MCC: variants seen among roughly 807,000 people sequenced by gnomAD.
MCC encodes MCC regulator of Wnt signaling pathway.
MCC carries 90 observed loss-of-function variants against 116.2 expected under a neutral mutation model. The ratio of observed to expected loss-of-function variants is 0.77; its 90% confidence interval spans 0.65 to 0.92. MCC has a LOEUF of 0.92. MCC is among the 40% of genes least tolerant of loss of function. The pLI, the probability that MCC is intolerant of heterozygous loss-of-function variation, is 0.00. For synonymous variants in MCC, 578 were observed against 510.5 expected (o/e 1.13, Z -1.78); for missense variants, 1,516 against 1,312.2 (o/e 1.16, Z -2.40).
chr5:113,458,482 C>T (rs556045519), intron 1 of MCC, among the ~76,000 whole-genome samples: 1 of 152,314 alleles, frequency 6.6e-6, no homozygotes, highest in South Asian at 2.1e-4. Flanking sequence ...AGCTGTAACA[C>T]TCACCGCGAG....
chr5:113,160,434 C>A (rs1305785452), intron 3 of MCC, among the ~76,000 whole-genome samples: 1 of 152,186 alleles, frequency 6.6e-6, no homozygotes, highest in East Asian at 1.9e-4. Flanking sequence ...GCATTTTTCT[C>A]AACTATTCTT....
intron 1 of MCC, among the ~76,000 whole-genome samples, chr5:113,415,354 A>G (rs1369828071): frequency 2.0e-5 from 3 of 152,144 alleles, no homozygotes; most frequent in East Asian, 3.9e-4. Context: ...TAATATCCTG[A>G]AGAATGTTTT....
chr5:113,276,936 G>A (rs1382911578), intron 3 of MCC, among the ~76,000 whole-genome samples: 1 of 151,512 alleles, frequency 6.6e-6, no homozygotes, highest in Non-Finnish European at 1.5e-5. Flanking sequence ...ATTGCACCTG[G>A]CCAAAAGGAA....
At chr5:113,279,562 G>A (rs564763476) in intron 3 of MCC, among the ~76,000 whole-genome samples, 5 of 152,126 alleles carry the variant, frequency 3.3e-5, no homozygotes, top group East Asian at 1.9e-4. Context: ...CATGGACTTC[G>A]TATCTTTGTA....
chr5:113,191,081 C>A (rs1762129488), intron 3 of MCC, among the ~76,000 whole-genome samples: 1 of 152,160 alleles, frequency 6.6e-6, no homozygotes, highest in African/African-American at 2.4e-5. Context: ...ATCATCAAAT[C>A]CAAAAACGAT....
At chr5:113,432,544 C>T in intron 1 of MCC, 1 of 152,052 alleles carries the variant, frequency 6.6e-6, no homozygotes, top group East Asian at 1.9e-4. Context: ...TAATGAATAG[C>T]ATGCCTAATG....
At chr5:113,209,732 T>C (rs1348611221) in intron 3 of MCC, among the ~76,000 whole-genome samples, 2 of 152,208 alleles carry the variant, frequency 1.3e-5, no homozygotes, top group Non-Finnish European at 2.9e-5. Context: ...GTCAGGAGCC[T>C]TCCATGGCCA....
chr5:113,141,119 C>G (rs746837948), intron 5 of MCC, among the ~76,000 whole-genome samples: 4 of 152,186 alleles, frequency 2.6e-5, no homozygotes, highest in Non-Finnish European at 5.9e-5. Flanking sequence ...CAAATTCACT[C>G]TCCCTCTTCC....
At chr5:113,099,530 C>T (rs2150253367) in intron 8 of MCC, among the ~76,000 whole-genome samples, 1 of 152,350 alleles carries the variant, frequency 6.6e-6, no homozygotes, top group South Asian at 2.1e-4. Flanking sequence ...CATCGCCTAA[C>T]CACTTTACGA....
At chr5:113,277,762 G>A (rs1241939926) in intron 3 of MCC, among the ~76,000 whole-genome samples, 2 of 152,106 alleles carry the variant, frequency 1.3e-5, no homozygotes, top group African/African-American at 2.4e-5. Context: ...TGGTATATGC[G>A]ATATTGGCAT....
intron 3 of MCC, among the ~76,000 whole-genome samples, chr5:113,292,496 T>G (rs1171123748): frequency 6.6e-6 from 1 of 152,170 alleles, no homozygotes; most frequent in Non-Finnish European, 1.5e-5. Context: ...TTCCAGCCAA[T>G]GCAGGGACTA....
At position 113,130,228 on chromosome 5, in the gene MCC, A is replaced by G. The variant is rs376052151; in HGVS notation, c.885-7402T>C. ...GGAAACCATCATTCTCAGCAAACTA[A>G]TACAGGAACAGAAAACCAAGCACCA... On this transcript the variant is annotated intron_variant, in intron 5 of 18. Coordinates refer to ENST00000408903, the MANE Select transcript of MCC (RefSeq NM_001085377.2). Among the ~76,000 whole-genome samples the G allele has an allele frequency of 6.6e-5, 10 of 152,310 alleles. No homozygotes were observed. In the South Asian group the frequency reaches 2.1e-3, roughly 32 times the overall value.
intron 5 of MCC, among the ~76,000 whole-genome samples, chr5:113,131,739 C>T (rs1758439607): frequency 6.6e-6 from 1 of 152,248 alleles, no homozygotes; most frequent in African/African-American, 2.4e-5. Context: ...CCTCCCTCTG[C>T]CTTCCAAACC....
At chr5:113,328,118 C>G (rs1038227407) in intron 3 of MCC, among the ~76,000 whole-genome samples, 1 of 152,078 alleles carries the variant, frequency 6.6e-6, no homozygotes, top group Non-Finnish European at 1.5e-5. Context: ...TACGACTTAC[C>G]TCTCCCCTGA....
intron 3 of MCC, among the ~76,000 whole-genome samples, chr5:113,333,423 C>T (rs1371021401): frequency 6.6e-6 from 1 of 151,616 alleles, no homozygotes; most frequent in East Asian, 1.9e-4. Context: ...CTGTTGGATA[C>T]ACAGAGGAGC....
intron 2 of MCC, among the ~76,000 whole-genome samples, chr5:113,375,168 T>C (rs1768952170): frequency 6.6e-6 from 1 of 152,086 alleles, no homozygotes; most frequent in Non-Finnish European, 1.5e-5. Context: ...CAACTTATCA[T>C]GACCTGGGTG....
chr5:113,080,982 T>C (rs543242321), intron 11 of MCC, among the ~76,000 whole-genome samples: 2 of 152,316 alleles, frequency 1.3e-5, no homozygotes, highest in East Asian at 3.9e-4. Context: ...CTTTCTGTTT[T>C]ACTTTGCTTT....
chr5:113,347,213 A>T (rs1768156190), intron 2 of MCC, among the ~76,000 whole-genome samples: 1 of 152,198 alleles, frequency 6.6e-6, no homozygotes, highest in South Asian at 2.1e-4. Flanking sequence ...CAATTGTGAT[A>T]TGTAAACTAC....
At chr5:113,027,552 C>G in intron 18 of MCC, 70 bp from the exon 19 acceptor site, 2 of 1,388,388 alleles carry the variant, frequency 1.4e-6, no homozygotes, top group Admixed American at 1.7e-5. Context: ...ATCCTGTCCA[C>G]TGGATAACCA....
Sources: gnomAD v4.1 joint callset for allele counts (sites outside exome capture counted in the v4.1 genomes callset) on GRCh38, gnomAD v4.1.1 for gene constraint, MANE v1.5 for transcripts, NCBI Gene and HGNC (gene_info 2026-07-23, HGNC 2026-07-21) for gene names.